Variants in POLD3 observed in about 807,000 individuals in gnomAD.
POLD3 encodes DNA polymerase delta subunit 3.
In POLD3, 19 loss-of-function variants were observed where a neutral mutation model predicts 58.2. That is an observed-to-expected ratio of 0.33 (90% CI 0.23 to 0.48). The LOEUF (loss-of-function observed/expected upper bound fraction) is 0.48, where lower values mean the gene tolerates loss of function less well. Ranked by LOEUF, POLD3 falls within the 20% of genes least tolerant of loss-of-function variation. The pLI, the probability that POLD3 is intolerant of heterozygous loss-of-function variation, is 0.99. For missense variants in POLD3, 504 were observed against 545.5 expected (o/e 0.92, Z 0.76); for synonymous variants, 172 against 193.5 (o/e 0.89, Z 0.92).
chr11:74,659,945 T>C (rs554232922), intron 4 of POLD3, among the ~76,000 whole-genome samples: 19 of 152,318 alleles, frequency 1.2e-4, no homozygotes, highest in African/African-American at 4.3e-4. Context: ...TTTTCAGCAA[T>C]GCCCCACTCT....
At chr11:74,620,539 G>A (rs1180191995) in intron 7 of POLD3, among the ~76,000 whole-genome samples, 5 of 152,156 alleles carry the variant, frequency 3.3e-5, no homozygotes, top group Admixed American at 3.3e-4. Flanking sequence ...ATTTTTTGCA[G>A]ATTACTCACA....
chr11:74,657,192 T>C (rs942304820), intron 4 of POLD3, among the ~76,000 whole-genome samples: 1 of 152,090 alleles, frequency 6.6e-6, no homozygotes, highest in Non-Finnish European at 1.5e-5. Flanking sequence ...ATGTTTCTTA[T>C]AGGCAATAGA....
chr11:74,668,800 T>A (rs774511561), exon 5 of POLD3: 2 of 1,288,058 alleles, frequency 1.6e-6, no homozygotes, highest in Non-Finnish European at 2.0e-6. Context: ...GCAGTCCCAC[T>A]CACTAGACAT....
At chr11:74,629,474 T>G (rs2032527461) in intron 9 of POLD3, 151 bp downstream of exon 9, 2 of 514,426 alleles carry the variant, frequency 3.9e-6, no homozygotes, top group African/African-American at 4.1e-5. Flanking sequence ...GAAATCTGCA[T>G]TAGCCTTTTG....
intron 3 of POLD3, among the ~76,000 whole-genome samples, chr11:74,608,513 C>T (rs754538278): frequency 9.2e-5 from 14 of 152,068 alleles, no homozygotes; most frequent in Non-Finnish European, 1.8e-4. Flanking sequence ...GAGGGCTTAC[C>T]CCCTCCTAGG....
At chr11:74,662,108 G>A (rs2033213237) in intron 4 of POLD3, among the ~76,000 whole-genome samples, 1 of 152,172 alleles carries the variant, frequency 6.6e-6, no homozygotes, top group African/African-American at 2.4e-5. Context: ...CCCAGGGCAG[G>A]TCCAGAAATA....
intron 7 of POLD3, among the ~76,000 whole-genome samples, chr11:74,620,480 T>G (rs1449534435): frequency 6.6e-6 from 1 of 152,192 alleles, no homozygotes; most frequent in African/African-American, 2.4e-5. Flanking sequence ...CTTTATTTCT[T>G]CTATCTCTCA....
chr11:74,641,475 A>T lies in POLD3; in HGVS notation c.*709A>T. 6 of 985,426 alleles carry T rather than the reference A, an allele frequency of 6.1e-6. No individual in the cohort carries two copies. The highest frequency in any genetic ancestry group is 7.2e-6 in the Non-Finnish European group (6 of 829,944). The allele number at this position is 985,426 out of a possible 1,614,324, so 61.0% of individuals were successfully genotyped here. A position where few individuals can be genotyped will look rare whatever the true frequency, so the allele number is the denominator to read the frequency against. ...GCAGAACACAAATAGAAATTTAATG[A>T]TGTGTTCAACTCCACCAGAAATTAC... is the stretch of plus-strand genomic sequence containing the variant. On this transcript the variant is annotated 3_prime_UTR_variant, in exon 12 of 12. Coordinates refer to ENST00000263681, the MANE Select transcript of POLD3 (RefSeq NM_006591.3).
intron 10 of POLD3, 45 bp downstream of exon 10, chr11:74,634,740 T>G: frequency 1.8e-6 from 2 of 1,093,584 alleles, no homozygotes; most frequent in Non-Finnish European, 2.8e-6. Context: ...ATCCTTTGTG[T>G]CTTAAGGACC....
At chr11:74,636,378 A>G (rs1459450880) in intron 11 of POLD3, 103 bp downstream of exon 11, 13 of 1,100,996 alleles carry the variant, frequency 1.2e-5, no homozygotes, top group African/African-American at 4.7e-5. Context: ...TTTAATTTAC[A>G]TGTGAATCAT....
downstream of POLD3, among the ~76,000 whole-genome samples, chr11:74,644,863 T>C (rs2032979772): frequency 2.0e-5 from 3 of 152,238 alleles, no homozygotes; most frequent in Non-Finnish European, 4.4e-5. Flanking sequence ...GTTTTAGGCT[T>C]TCTCAAGGCT....
intron 6 of POLD3, among the ~76,000 whole-genome samples, chr11:74,619,529 T>G (rs1214579852): frequency 6.6e-6 from 1 of 152,154 alleles, no homozygotes; most frequent in Non-Finnish European, 1.5e-5. Flanking sequence ...CTCTTATCAG[T>G]TCTGTGAGGG....
chr11:74,651,480 T>C (rs1591326714), intron 4 of POLD3, among the ~76,000 whole-genome samples: 2 of 152,168 alleles, frequency 1.3e-5, no homozygotes, highest in Admixed American at 6.5e-5. Flanking sequence ...TCAAGGAGTT[T>C]TGAAAGAGAG....
chr11:74,662,381 C>A (rs949633222), intron 4 of POLD3, among the ~76,000 whole-genome samples: 1 of 152,018 alleles, frequency 6.6e-6, no homozygotes, highest in Non-Finnish European at 1.5e-5. Context: ...AGCCCAAGGG[C>A]TCTTTAATCA....
intron 4 of POLD3, among the ~76,000 whole-genome samples, chr11:74,667,621 T>C (rs1218312572): frequency 6.6e-6 from 1 of 152,234 alleles, no homozygotes; most frequent in Non-Finnish European, 1.5e-5. Context: ...TGGACCATAG[T>C]CCTGAATGTA....
intron 4 of POLD3, among the ~76,000 whole-genome samples, chr11:74,653,405 G>A (rs1267729147): frequency 2.6e-5 from 4 of 151,746 alleles, no homozygotes; most frequent in Admixed American, 6.6e-5. Flanking sequence ...GAGGGAGTAT[G>A]GAAGTATAGT....
At chr11:74,639,759 T>G (rs1452602051) in intron 11 of POLD3, among the ~76,000 whole-genome samples, 1 of 152,242 alleles carries the variant, frequency 6.6e-6, no homozygotes. Context: ...CAAGTTTCCC[T>G]TGGGAAGGGT....
At chr11:74,665,917 A>G (rs1253098007) in intron 4 of POLD3, among the ~76,000 whole-genome samples, 1 of 152,194 alleles carries the variant, frequency 6.6e-6, no homozygotes, top group Non-Finnish European at 1.5e-5. Flanking sequence ...ATTAGGCAGG[A>G]AAAAGAACAA....
intron 3 of POLD3, 105 bp from the exon 4 acceptor site, chr11:74,611,394 G>T: frequency 1.4e-6 from 1 of 701,656 alleles, no homozygotes; most frequent in Non-Finnish European, 2.6e-6. Flanking sequence ...GGAGTGCCTG[G>T]TGTTTTCCTA....
Sources: allele counts gnomAD v4.1 joint callset (sites outside exome capture counted in the v4.1 genomes callset), GRCh38; gene constraint gnomAD v4.1.1; transcripts MANE v1.5; gene names NCBI Gene and HGNC (gene_info 2026-07-23, HGNC 2026-07-21).